LPA: variants seen among roughly 807,000 people sequenced by gnomAD.
LPA encodes the protein lipoprotein(a).
Under a neutral mutation model 197.9 loss-of-function variants are expected in LPA, and 199 were observed. The ratio of observed to expected loss-of-function variants is 1.01; its 90% confidence interval spans 0.90 to 1.13. The LOEUF is 1.13. LPA is among the 50% of genes most tolerant of loss of function. LPA has a pLI of 0.00. For synonymous variants in LPA, 715 were observed against 639.5 expected, an observed-to-expected ratio of 1.12 and a Z score of -1.78; for missense variants, 1,853 against 1,785.8, an observed-to-expected ratio of 1.04 and a Z score of -0.68.
Position 160,578,582 on chromosome 6 carries a change from C to T in LPA, c.4412G>A (p.Ser1471Asn), listed in dbSNP as rs377069904. 1.3e-5 allele frequency: 21 copies of T among 1,614,030 alleles called. No individual in the cohort carries two copies. Among genetic ancestry groups the T allele is most frequent in the Non-Finnish European group, 1.8e-5 (21 of 1,179,920 alleles). ...NLTRCPVTES[S>N]VLTTPTVAPV... ...GGCCACTGTGGGAGTTGTGAGGACA[C>T]TCGATTCTGTCACTGGACATCGTGT... The change falls in exon 27 of 39, where the codon AGT (serine) becomes AAT (asparagine). Residue 1471 changes from serine (S) to asparagine (N), a missense_variant. Ser to Asn is a conservative substitution (Grantham distance 46). Coordinates refer to ENST00000316300, the MANE Select transcript of LPA (RefSeq NM_005577.4).
chr6:160,561,975 TGATA>T (rs1778370139), intron 28 of LPA, among the ~76,000 whole-genome samples: 1 of 152,160 alleles, frequency 6.6e-6, no homozygotes, highest in African/African-American at 2.4e-5. Flanking sequence ...TGGGCTGAGA[TGATA>T]GAGTTTTCTA....
At chr6:160,595,269 T>C in intron 21 of LPA, 85 bp downstream of exon 21, 2 of 1,524,296 alleles carry the variant, frequency 1.3e-6, no homozygotes, top group African/African-American at 1.4e-5. Flanking sequence ...TGTGTGAGCA[T>C]GGAAGGCTTC....
At chr6:160,544,278 G>A (rs112171168) in intron 33 of LPA, among the ~76,000 whole-genome samples, 2,749 of 152,138 alleles carry the variant, frequency 0.018, 86 homozygotes, top group African/African-American at 0.063. Context: ...GGCCAGAAGC[G>A]GAGAACTGGA....
At chr6:160,649,313 C>T (rs1410168257) in intron 2 of LPA, among the ~76,000 whole-genome samples, 2 of 152,254 alleles carry the variant, frequency 1.3e-5, no homozygotes, top group East Asian at 3.9e-4. Flanking sequence ...GTAGTTGCTG[C>T]TCTTCCGTAG....
intron 30 of LPA, among the ~76,000 whole-genome samples, chr6:160,551,271 A>C (rs1212043876): frequency 6.6e-6 from 1 of 152,146 alleles, no homozygotes; most frequent in Non-Finnish European, 1.5e-5. Flanking sequence ...TGATGATTAT[A>C]ACTCTTTATT....
intron 1 of LPA, among the ~76,000 whole-genome samples, chr6:160,661,663 T>C (rs1367211): frequency 0.67 from 101,229 of 152,030 alleles, 34,474 homozygotes; most frequent in East Asian, 0.81. Flanking sequence ...TGAACAGGCA[T>C]TGGCTGATGC....
chr6:160,568,265 C>A (rs907746821), intron 28 of LPA, among the ~76,000 whole-genome samples: 1 of 152,200 alleles, frequency 6.6e-6, no homozygotes, highest in South Asian at 2.1e-4. Context: ...CCGAATCCAG[C>A]AGCACATCAA....
intron 16 of LPA, among the ~76,000 whole-genome samples, chr6:160,611,345 T>C (rs1779510612): frequency 6.6e-6 from 1 of 152,082 alleles, no homozygotes; most frequent in African/African-American, 2.4e-5. Context: ...CGCCTCCTCA[T>C]TTCCCTTCTG....
chr6:160,610,523 T>C (rs1779474469), intron 16 of LPA, among the ~76,000 whole-genome samples: 1 of 152,190 alleles, frequency 6.6e-6, no homozygotes, highest in South Asian at 2.1e-4. Flanking sequence ...TGTTCTCTTG[T>C]AGTTGCTGTT....
intron 28 of LPA, among the ~76,000 whole-genome samples, chr6:160,565,857 A>G (rs1778443467): frequency 6.6e-6 from 1 of 152,350 alleles, no homozygotes; most frequent in South Asian, 2.1e-4. Context: ...GCTGAAAACC[A>G]TGGCACGAGA....
At chr6:160,597,261 G>C (rs1779151444) in intron 20 of LPA, among the ~76,000 whole-genome samples, 1 of 152,200 alleles carries the variant, frequency 6.6e-6, no homozygotes, top group African/African-American at 2.4e-5. Flanking sequence ...TATAACCATA[G>C]TGAGAGAATC....
intron 1 of LPA, among the ~76,000 whole-genome samples, chr6:160,656,532 C>A (rs75385813): frequency 1.5e-3 from 231 of 152,258 alleles, no homozygotes; most frequent in African/African-American, 5.3e-3. Context: ...ACTGGGGAAC[C>A]ACAATAACGT....
At chr6:160,609,085 CT>C (rs545734830) in intron 16 of LPA, among the ~76,000 whole-genome samples, 1 of 152,018 alleles carries the variant, frequency 6.6e-6, no homozygotes, top group Non-Finnish European at 1.5e-5. Flanking sequence ...ACATATTCAT[CT>C]TTTTTTAAAT....
In LPA at chr6:160,557,515, T is replaced by C. The variant is rs2115012350; in HGVS notation, c.4688A>G (p.Tyr1563Cys). 6.2e-7 allele frequency: 1 copy of C among 1,614,062 alleles called. No homozygotes were observed. Among genetic ancestry groups the C allele is most frequent in the East Asian group, 2.2e-5 (1 of 44,858 alleles). The change falls in exon 29 of 39, where the codon TAC becomes TGC. Residue 1563 changes from tyrosine (Y) to cysteine (C), a missense_variant. This residue lies in a region of LPA where 1,737 missense variants were observed against 1,504.4 expected (regional missense o/e 1.15). Coordinates refer to ENST00000316300, the MANE Select transcript of LPA (RefSeq NM_005577.4). Reference protein sequence around the residue: ...NPDSGKQPWCYTTDPCVRWEY... With the variant: ...NPDSGKQPWCCTTDPCVRWEY... The stretch of plus-strand genomic sequence containing the variant: ...CCACCTCACACACGGATCGGTTGTG[T>C]AACACCAGGGTTGTTTCCCAGAATC...
At chr6:160,534,042 C>T (rs1005672009) in intron 37 of LPA, among the ~76,000 whole-genome samples, 5 of 152,202 alleles carry the variant, frequency 3.3e-5, no homozygotes, top group Non-Finnish European at 7.3e-5. Context: ...GCACTCTCTC[C>T]TGCTTTCCCC....
intron 24 of LPA, among the ~76,000 whole-genome samples, chr6:160,587,801 T>TGTGTGTCTG (rs1562333102): frequency 2.5e-5 from 2 of 79,636 alleles, no homozygotes; most frequent in African/African-American, 4.9e-5. Context: ...GTGTGTGTGT[T>TGTGTGTCTG]TCTGTCTGTT....
At chr6:160,570,593 C>A (rs1276372902) in intron 28 of LPA, among the ~76,000 whole-genome samples, 3 of 152,078 alleles carry the variant, frequency 2.0e-5, no homozygotes, top group African/African-American at 4.8e-5. Flanking sequence ...ATGTAACAAA[C>A]CTGCACCTTG....
At chr6:160,542,922 AT>A (rs1778005176) in intron 33 of LPA, 114 bp from the exon 34 acceptor site, 3 of 1,446,754 alleles carry the variant, frequency 2.1e-6, no homozygotes, top group East Asian at 4.6e-5. Flanking sequence ...GTGAAATTAA[AT>A]GGTAAAATCA....
At chr6:160,544,454 A>T (rs1778031118) in intron 33 of LPA, among the ~76,000 whole-genome samples, 1 of 152,110 alleles carries the variant, frequency 6.6e-6, no homozygotes, top group African/African-American at 2.4e-5. Context: ...GCCAAGTAGA[A>T]TCTTTCCTAT....
Sources: allele counts gnomAD v4.1 joint callset (sites outside exome capture counted in the v4.1 genomes callset), GRCh38; gene constraint gnomAD v4.1.1; regional missense constraint gnomAD v4.1.1; transcripts MANE v1.5; gene names NCBI Gene and HGNC (gene_info 2026-07-23, HGNC 2026-07-21).